The following TTBK2 variants were observed in gnomAD, a reference collection of about 807,000 sequenced individuals.
TTBK2 encodes tau tubulin kinase 2, also known as tau-tubulin kinase 2.
TTBK2 carries 28 observed loss-of-function variants against 110.8 expected under a neutral mutation model. That is an observed-to-expected ratio of 0.25 (90% CI 0.19 to 0.35). The LOEUF (loss-of-function observed/expected upper bound fraction) is 0.35, where lower values mean the gene tolerates loss of function less well. Ranked by LOEUF, TTBK2 falls within the 10% of genes least tolerant of loss-of-function variation. The pLI, the probability that TTBK2 is intolerant of heterozygous loss-of-function variation, is 1.00. For missense variants in TTBK2, 1,369 were observed against 1,500.3 expected (o/e 0.91, Z 1.45); for synonymous variants, 532 against 527.3 (o/e 1.01, Z -0.12).
chr15:42,866,201 G>A (rs7164785), intron 3 of TTBK2, among the ~76,000 whole-genome samples: 1,736 of 152,246 alleles, frequency 0.011, 30 homozygotes, highest in African/African-American at 0.039. Flanking sequence ...CTATTCGGGA[G>A]GCTGAGGCAG....
chr15:42,767,894 C>T (rs534073092), intron 13 of TTBK2, among the ~76,000 whole-genome samples: 28 of 152,322 alleles, frequency 1.8e-4, no homozygotes, highest in African/African-American at 4.8e-4. Flanking sequence ...TCCAGCAGCA[C>T]GTCAAAAAGC....
At chr15:42,775,010 C>T (rs1889837284) in intron 13 of TTBK2, 125 bp downstream of exon 13, 4 of 941,772 alleles carry the variant, frequency 4.2e-6, no homozygotes, top group Non-Finnish European at 6.6e-6. Context: ...AGTACAAAAT[C>T]ACTCCCTGGG....
intron 7 of TTBK2, among the ~76,000 whole-genome samples, chr15:42,814,430 A>G (rs1218292533): frequency 6.6e-6 from 1 of 152,056 alleles, no homozygotes; most frequent in Non-Finnish European, 1.5e-5. Context: ...TTAAAAAATT[A>G]GCCAGGTACA....
intron 4 of TTBK2, among the ~76,000 whole-genome samples, chr15:42,831,801 A>G (rs1415348923): frequency 1.3e-5 from 2 of 152,214 alleles, no homozygotes; most frequent in African/African-American, 4.8e-5. Flanking sequence ...ACTACCTCCC[A>G]AAGACTGGCT....
intron 1 of TTBK2, chr15:42,919,979 G>A (rs74009228): frequency 0.018 from 3,351 of 191,068 alleles, 116 homozygotes; most frequent in African/African-American, 0.073. Flanking sequence ...GAAAGTCGCG[G>A]CCTTCACTGT....
intron 1 of TTBK2, among the ~76,000 whole-genome samples, chr15:42,895,269 T>C (rs1368267909): frequency 4.6e-5 from 7 of 152,122 alleles, no homozygotes; most frequent in Non-Finnish European, 8.8e-5. Context: ...TGTATAAAGC[T>C]ACAGTAATCA....
chr15:42,785,251 C>T (rs570339491), intron 10 of TTBK2, among the ~76,000 whole-genome samples: 1 of 151,774 alleles, frequency 6.6e-6, no homozygotes, highest in South Asian at 2.1e-4. Flanking sequence ...TCCCAAATAG[C>T]TAGGATTACA....
intron 1 of TTBK2, among the ~76,000 whole-genome samples, chr15:42,913,131 C>CAAAAAA (rs61404472): frequency 7.4e-4 from 23 of 30,890 alleles, no homozygotes; most frequent in African/African-American, 2.2e-3. Flanking sequence ...GACTCCGTCT[C>CAAAAAA]AAAAAAAAAA....
At chr15:42,888,723 C>T (rs1011841997) in intron 1 of TTBK2, among the ~76,000 whole-genome samples, 7 of 152,166 alleles carry the variant, frequency 4.6e-5, no homozygotes, top group African/African-American at 1.7e-4. Flanking sequence ...ATTGATGTCT[C>T]TTTAATAGAA....
intron 13 of TTBK2, among the ~76,000 whole-genome samples, chr15:42,764,890 C>T (rs371499992): frequency 1.3e-5 from 2 of 152,354 alleles, no homozygotes; most frequent in South Asian, 2.1e-4. Flanking sequence ...CCAGGTGCCC[C>T]TCTGAGACGA....
chr15:42,870,295 G>C (rs2141111059), intron 3 of TTBK2, among the ~76,000 whole-genome samples: 1 of 152,248 alleles, frequency 6.6e-6, no homozygotes, highest in Admixed American at 6.5e-5. Context: ...ACAGCAGCAT[G>C]GGGGAAGGTC....
chr15:42,759,229 C>G (rs544433553), intron 13 of TTBK2, among the ~76,000 whole-genome samples: 1 of 152,202 alleles, frequency 6.6e-6, no homozygotes. Context: ...TCTGGCAGTC[C>G]CACACAGGGC....
chr15:42,913,200 G>C (rs2030884852), intron 1 of TTBK2, among the ~76,000 whole-genome samples: 1 of 142,096 alleles, frequency 7.0e-6, no homozygotes, highest in East Asian at 2.1e-4. Context: ...GATTTGTAAA[G>C]AACCCCATTT....
rs1176534792 is a variant in TTBK2, at chr15:42,855,753, C to T, written c.218-15320G>A. Among the ~76,000 whole-genome samples, 5 of 152,286 alleles carry T rather than the reference C, an allele frequency of 3.3e-5. No individual in the cohort carries two copies. In the South Asian group the frequency reaches 8.3e-4, roughly 25 times the overall value. On this transcript the variant is annotated intron_variant, in intron 3 of 14. Transcript: ENST00000267890. ...AGGCTGGAGTGCAGTGGTGCGATTTCGGCTCACCGCAGGCTCCGCCTCCCG... is the reference window on the plus strand; with the variant it reads ...AGGCTGGAGTGCAGTGGTGCGATTTTGGCTCACCGCAGGCTCCGCCTCCCG...
chr15:42,905,502 C>A (rs1829342530), intron 1 of TTBK2, among the ~76,000 whole-genome samples: 1 of 152,122 alleles, frequency 6.6e-6, no homozygotes, highest in South Asian at 2.1e-4. Context: ...AGAGATCTTC[C>A]CAACTCGGCT....
At chr15:42,762,532 CA>C (rs1235187532) in intron 13 of TTBK2, among the ~76,000 whole-genome samples, 1 of 152,106 alleles carries the variant, frequency 6.6e-6, no homozygotes, top group African/African-American at 2.4e-5. Context: ...GCCTGGCCAA[CA>C]TGGTGAAACC....
At chr15:42,911,952 T>C (rs1037391104) in intron 1 of TTBK2, among the ~76,000 whole-genome samples, 5 of 124,898 alleles carry the variant, frequency 4.0e-5, no homozygotes, top group Admixed American at 2.1e-4. Flanking sequence ...CGATAGCTGA[T>C]GAGTTAAATA....
At chr15:42,833,237 C>A (rs1892835359) in intron 4 of TTBK2, among the ~76,000 whole-genome samples, 2 of 127,756 alleles carry the variant, frequency 1.6e-5, no homozygotes, top group Admixed American at 7.9e-5. Context: ...TCACAAGCCA[C>A]CAAATTTTGT....
chr15:42,823,820 C>T (rs1488383799), intron 6 of TTBK2, among the ~76,000 whole-genome samples: 1 of 151,628 alleles, frequency 6.6e-6, no homozygotes, highest in Non-Finnish European at 1.5e-5. Flanking sequence ...CCAATGTGGC[C>T]CAGGGAAGCC....
Sources: gnomAD v4.1 joint callset for allele counts (sites outside exome capture counted in the v4.1 genomes callset) on GRCh38, gnomAD v4.1.1 for gene constraint, MANE v1.5 for transcripts, NCBI Gene and HGNC (gene_info 2026-07-23, HGNC 2026-07-21) for gene names.